The following NKAIN3 variants were observed in gnomAD, a reference collection of about 807,000 sequenced individuals.
NKAIN3 encodes sodium/potassium transporting ATPase interacting 3.
In NKAIN3, 25 loss-of-function variants were observed where a neutral mutation model predicts 30.2. The ratio of observed to expected loss-of-function variants is 0.83; its 90% CI spans 0.60 to 1.16. NKAIN3 has a LOEUF of 1.16. NKAIN3 is among the 50% of genes most tolerant of loss of function. NKAIN3 has a pLI of 0.00. For missense variants in NKAIN3, 225 were observed against 254.1 expected (o/e 0.89, Z 0.78); for synonymous variants, 91 against 89.6 (o/e 1.02, Z -0.09).
intron 1 of NKAIN3, among the ~76,000 whole-genome samples, chr8:62,503,675 C>T (rs745871802): frequency 2.0e-5 from 3 of 151,994 alleles, no homozygotes; most frequent in Non-Finnish European, 2.9e-5. Flanking sequence ...ATATTATATT[C>T]CCTGGTAGGA....
intron 3 of NKAIN3, among the ~76,000 whole-genome samples, chr8:62,593,355 AT>A (rs1202413061): frequency 1.3e-5 from 2 of 152,000 alleles, no homozygotes; most frequent in South Asian, 2.1e-4. Context: ...TTAAAAAAAA[AT>A]CTTCTTTGTG....
At chr8:62,752,537 T>C (rs538947644) in intron 4 of NKAIN3, among the ~76,000 whole-genome samples, 1 of 152,236 alleles carries the variant, frequency 6.6e-6, no homozygotes, top group Non-Finnish European at 1.5e-5. Context: ...CCCAGAATTC[T>C]TTCCTACCTG....
chr8:62,543,227 C>T (rs1270514767), intron 1 of NKAIN3, among the ~76,000 whole-genome samples: 1 of 152,148 alleles, frequency 6.6e-6, no homozygotes, highest in Non-Finnish European at 1.5e-5. Flanking sequence ...GAGTTCCACA[C>T]TCATATTATT....
downstream of NKAIN3, among the ~76,000 whole-genome samples, chr8:62,986,576 C>A (rs556756515): frequency 6.6e-6 from 1 of 152,286 alleles, no homozygotes; most frequent in East Asian, 1.9e-4. Flanking sequence ...CTAATCATAG[C>A]TATGATTTAA....
chr8:62,307,992 T>C (rs1459181193), intron 1 of NKAIN3, among the ~76,000 whole-genome samples: 1 of 150,270 alleles, frequency 6.7e-6, no homozygotes, highest in African/African-American at 2.5e-5. Flanking sequence ...AGAGATGCTG[T>C]TTCCTCAAAC....
At chr8:62,628,846 A>G (rs1248567433) in intron 3 of NKAIN3, among the ~76,000 whole-genome samples, 1 of 152,160 alleles carries the variant, frequency 6.6e-6, no homozygotes, top group Non-Finnish European at 1.5e-5. Context: ...CCAGGATAGC[A>G]ACCTCTATGA....
At chr8:62,291,935 A>G (rs1813652179) in intron 1 of NKAIN3, among the ~76,000 whole-genome samples, 1 of 152,092 alleles carries the variant, frequency 6.6e-6, no homozygotes, top group African/African-American at 2.4e-5. Context: ...TTGGGTGCAT[A>G]TATATTTAGG....
At chr8:62,963,844 G>T (rs1823635742) in intron 6 of NKAIN3, among the ~76,000 whole-genome samples, 1 of 152,084 alleles carries the variant, frequency 6.6e-6, no homozygotes, top group South Asian at 2.1e-4. Context: ...GCGCTTGGGT[G>T]GGTATTTTTT....
intron 1 of NKAIN3, among the ~76,000 whole-genome samples, chr8:62,345,588 C>CACACATATGTATATAT (rs1815964528): frequency 1.6e-5 from 2 of 126,108 alleles, no homozygotes; most frequent in Non-Finnish European, 3.3e-5. Context: ...TATGTATATA[C>CACACATATGTATATAT]ACACATATAT....
At chr8:62,595,657 T>C (rs549651580) in intron 3 of NKAIN3, among the ~76,000 whole-genome samples, 45 of 152,198 alleles carry the variant, frequency 3.0e-4, no homozygotes, top group African/African-American at 1.0e-3. Flanking sequence ...TAAAGGTGGA[T>C]GTGGTCACCT....
At chr8:62,383,177 G>T (rs565903506) in intron 1 of NKAIN3, among the ~76,000 whole-genome samples, 7 of 152,182 alleles carry the variant, frequency 4.6e-5, no homozygotes, top group Middle Eastern at 3.4e-3. Flanking sequence ...ACTTTAAAAG[G>T]CAGTCCCCTA....
chr8:62,624,410 A>T (rs925776218), intron 3 of NKAIN3, among the ~76,000 whole-genome samples: 21 of 151,758 alleles, frequency 1.4e-4, no homozygotes, highest in Admixed American at 1.1e-3. Context: ...CAACACTTTA[A>T]ATATCTAACT....
intron 3 of NKAIN3, among the ~76,000 whole-genome samples, chr8:62,624,924 A>G (rs1227603757): frequency 6.6e-6 from 1 of 151,674 alleles, no homozygotes; most frequent in East Asian, 1.9e-4. Flanking sequence ...CATTTCTGTT[A>G]GTCTTTCTTA....
chr8:62,781,544 A>C lies in NKAIN3; in HGVS notation c.471+34415A>C, dbSNP rs570437410. On this transcript the variant is annotated intron_variant, in intron 4 of 6. Coordinates refer to ENST00000623646, the MANE Select transcript of NKAIN3 (RefSeq NM_001304533.3). ...TCAGAACATATTATGAAGCTATACT[A>C]ACCAAAGCAGCATAGTATTAGAATA... Among the ~76,000 whole-genome samples the C allele has an allele frequency of 2.0e-5, 3 of 152,160 alleles. No individual in the cohort carries two copies. The South Asian group carries it at 6.2e-4, about 32-fold the overall frequency.
chr8:62,903,887 C>G (rs1563620582), intron 4 of NKAIN3, among the ~76,000 whole-genome samples: 1 of 152,106 alleles, frequency 6.6e-6, no homozygotes, highest in Non-Finnish European at 1.5e-5. Context: ...CGGGAACTCA[C>G]TCACTATCAT....
rs57138912 is a variant in NKAIN3 at position 62,955,587 on chromosome 8, G to C, written c.603+1615G>C. On this transcript the variant is annotated intron_variant, in intron 6 of 6. Coordinates refer to ENST00000623646, the MANE Select transcript of NKAIN3 (RefSeq NM_001304533.3). ...CAATATGAAAAATGCTGCAATTTAAGAGAGATCCTTCTATTAGGGAAAGTT... is the reference window on the plus strand; with the variant it reads ...CAATATGAAAAATGCTGCAATTTAACAGAGATCCTTCTATTAGGGAAAGTT... 9.5e-4 allele frequency among the ~76,000 whole-genome samples: 144 copies of C among 152,118 alleles called. 4 individuals carry two copies. In the East Asian group the frequency reaches 0.025, roughly 27 times the overall value.
intron 6 of NKAIN3, among the ~76,000 whole-genome samples, chr8:62,956,287 C>A (rs988525258): frequency 6.6e-6 from 1 of 152,196 alleles, no homozygotes; most frequent in Admixed American, 6.5e-5. Context: ...CTGGCTTTGA[C>A]TTTCATTAAG....
At chr8:62,254,562 G>C (rs1812209179) in intron 1 of NKAIN3, among the ~76,000 whole-genome samples, 1 of 151,988 alleles carries the variant, frequency 6.6e-6, no homozygotes, top group South Asian at 2.1e-4. Context: ...AAAACATAGA[G>C]CTGGAATCAT....
At chr8:62,385,953 A>G (rs1342923919) in intron 1 of NKAIN3, among the ~76,000 whole-genome samples, 2 of 152,210 alleles carry the variant, frequency 1.3e-5, no homozygotes, top group African/African-American at 4.8e-5. Flanking sequence ...AGTGGTCAGC[A>G]GGCTGTCAGC....
Sources: allele counts gnomAD v4.1 joint callset (sites outside exome capture counted in the v4.1 genomes callset), GRCh38; gene constraint gnomAD v4.1.1; transcripts MANE v1.5; gene names NCBI Gene and HGNC (gene_info 2026-07-23, HGNC 2026-07-21).